PDZRN3: variants seen among roughly 807,000 people sequenced by gnomAD.
PDZRN3 encodes the protein PDZ domain containing ring finger 3, also known as E3 ubiquitin-protein ligase PDZRN3.
A neutral mutation model predicts 85.7 loss-of-function variants in PDZRN3; 38 were observed. The ratio of observed to expected loss-of-function variants is 0.44; its 90% CI spans 0.34 to 0.58. The LOEUF (loss-of-function observed/expected upper bound fraction) is 0.58, where lower values mean the gene tolerates loss of function less well. Among genes scored for constraint, PDZRN3 ranks in the 20% least tolerant of loss-of-function variants. PDZRN3 has a pLI of 0.01. For synonymous variants in PDZRN3, 759 were observed against 638.0 expected, an observed-to-expected ratio of 1.19 and a Z score of -2.86; for missense variants, 1,629 against 1,506.4, an observed-to-expected ratio of 1.08 and a Z score of -1.35.
Position 73,383,605 on chromosome 3 carries a change from C to T in PDZRN3, c.2961G>A (p.Glu987=), listed in dbSNP as rs538477233. ...TCATGAACTCGCGCCGCCGCCGCTG[C>T]TCCTTGGCCTTCACCAGGTGCTGCT... The part of the protein sequence containing the change: ...ERKQHLVKAK[E]QRRRREFMMQ... The change falls in exon 10 of 10, where the codon GAG becomes GAA. Residue 987 remains glutamate, a synonymous_variant. Transcript: ENST00000263666. 313 of 1,614,088 alleles carry T rather than the reference C, an allele frequency of 1.9e-4. 2 individuals carry two copies. The East Asian group carries it at 6.9e-3, about 36-fold the overall frequency.
chr3:73,522,151 T>G (rs1428094811), intron 3 of PDZRN3, among the ~76,000 whole-genome samples: 1 of 152,294 alleles, frequency 6.6e-6, no homozygotes, highest in Admixed American at 6.5e-5. Context: ...ACGTCAGTAG[T>G]GCTGAGTAGT....
At chr3:73,520,481 A>G (rs1414229088) in intron 3 of PDZRN3, among the ~76,000 whole-genome samples, 1 of 152,176 alleles carries the variant, frequency 6.6e-6, no homozygotes, top group African/African-American at 2.4e-5. Flanking sequence ...GTTCCCGCCC[A>G]GCCAACAGAG....
At chr3:73,408,160 G>C in intron 3 of PDZRN3, 1 of 703,454 alleles carries the variant, frequency 1.4e-6, no homozygotes, top group Non-Finnish European at 2.6e-6. Flanking sequence ...ACAGCTCAGA[G>C]GTGGAGTGTG....
intron 3 of PDZRN3, among the ~76,000 whole-genome samples, chr3:73,424,540 T>C (rs183190941): frequency 0.045 from 1,725 of 38,224 alleles, 28 homozygotes; most frequent in Admixed American, 0.085. Context: ...AGACTCCATC[T>C]CAAAAAAAAA....
chr3:73,533,890 C>T (rs1322573033), intron 3 of PDZRN3, among the ~76,000 whole-genome samples: 1 of 152,198 alleles, frequency 6.6e-6, no homozygotes, highest in Non-Finnish European at 1.5e-5. Flanking sequence ...CCAAATAGCA[C>T]ATCTGACTAC....
intron 3 of PDZRN3, chr3:73,433,783 T>C (rs1049071345): frequency 5.2e-6 from 8 of 1,524,556 alleles, no homozygotes; most frequent in African/African-American, 4.1e-5. Flanking sequence ...AGTGCAGGCA[T>C]TGAAGGTATC....
At chr3:73,547,879 C>T (rs1464889109) in intron 3 of PDZRN3, among the ~76,000 whole-genome samples, 1 of 152,214 alleles carries the variant, frequency 6.6e-6, no homozygotes, top group Non-Finnish European at 1.5e-5. Context: ...AAGAATGAAG[C>T]GGGGGAGGGT....
intron 3 of PDZRN3, among the ~76,000 whole-genome samples, chr3:73,461,726 T>C (rs1036379165): frequency 6.6e-6 from 1 of 152,186 alleles, no homozygotes; most frequent in Admixed American, 6.5e-5. Context: ...ATCACAGACA[T>C]GTCATGTGTA....
intron 3 of PDZRN3, among the ~76,000 whole-genome samples, chr3:73,414,291 A>G (rs1259794152): frequency 5.9e-5 from 9 of 152,190 alleles, no homozygotes; most frequent in Non-Finnish European, 1.5e-5. Context: ...TTAAACACAA[A>G]AGTCAGGTAA....
At chr3:73,438,762 T>C (rs886346088) in intron 3 of PDZRN3, among the ~76,000 whole-genome samples, 3 of 152,186 alleles carry the variant, frequency 2.0e-5, no homozygotes, top group Non-Finnish European at 2.9e-5. Context: ...CGGGCTAGAA[T>C]AGTCCTTAAC....
chr3:73,406,355 G>A (rs1701854235), intron 3 of PDZRN3, among the ~76,000 whole-genome samples: 1 of 152,180 alleles, frequency 6.6e-6, no homozygotes, highest in Non-Finnish European at 1.5e-5. Flanking sequence ...GGGAAGGAAT[G>A]GGGTGTAGAT....
intron 3 of PDZRN3, among the ~76,000 whole-genome samples, chr3:73,413,860 C>G (rs1458223196): frequency 6.6e-6 from 1 of 152,164 alleles, no homozygotes; most frequent in Non-Finnish European, 1.5e-5. Flanking sequence ...GCGCTTTACC[C>G]TGAGAACCAA....
rs1263079250 is a variant in PDZRN3, at chr3:73,401,070, C to CA, written c.1167-62dup. 4.8e-6 allele frequency: 6 copies of CA among 1,250,502 alleles called. No individual in the cohort carries two copies. In the African/African-American group the frequency reaches 8.8e-5, roughly 18 times the overall value. 77.5% of individuals were successfully genotyped at this position (1,250,502 alleles called of 1,614,324 possible). A position where few individuals can be genotyped will look rare whatever the true frequency, so the allele number is the denominator to read the frequency against. On this transcript the variant is annotated intron_variant, in intron 4 of 9. Coordinates refer to ENST00000263666, the MANE Select transcript of PDZRN3 (RefSeq NM_015009.3). Reference sequence around the variant, plus strand: ...CCGTTGTCAGTATCTGTTTTTCTTACACCCATTGTCAGGCCAGTGGCACAG... The same window carrying CA: ...CCGTTGTCAGTATCTGTTTTTCTTACAACCCATTGTCAGGCCAGTGGCACAG...
At chr3:73,617,943 T>C (rs186750591) in intron 1 of PDZRN3, among the ~76,000 whole-genome samples, 2 of 152,348 alleles carry the variant, frequency 1.3e-5, no homozygotes, top group African/African-American at 4.8e-5. Context: ...TGACCTCAAG[T>C]GATCTTTCCG....
At chr3:73,509,955 G>T (rs1301810447) in intron 3 of PDZRN3, among the ~76,000 whole-genome samples, 1 of 152,144 alleles carries the variant, frequency 6.6e-6, no homozygotes, top group African/African-American at 2.4e-5. Context: ...TGAAAACAAC[G>T]GATTATCTTT....
chr3:73,472,523 G>C (rs1234626411), intron 3 of PDZRN3, among the ~76,000 whole-genome samples: 1 of 152,178 alleles, frequency 6.6e-6, no homozygotes, highest in Non-Finnish European at 1.5e-5. Flanking sequence ...CTGAGACAAT[G>C]CAAACATCAT....
At chr3:73,495,537 T>G (rs1333398457) in intron 3 of PDZRN3, among the ~76,000 whole-genome samples, 1 of 152,166 alleles carries the variant, frequency 6.6e-6, no homozygotes, top group Non-Finnish European at 1.5e-5. Flanking sequence ...TCCGTGCGCA[T>G]ATATTTGTCT....
chr3:73,400,899 T>C, intron 5 of PDZRN3, 23 bp downstream of exon 5: 1 of 1,527,472 alleles, frequency 6.5e-7, no homozygotes, highest in Non-Finnish European at 9.1e-7. Context: ...ACTCCTAAAA[T>C]GAGACAAGGA....
chr3:73,608,564 G>C (rs1461645274), intron 2 of PDZRN3, 34 bp downstream of exon 2: 1 of 1,449,970 alleles, frequency 6.9e-7, no homozygotes, highest in Non-Finnish European at 9.7e-7. Context: ...GCTACACCAG[G>C]AAAAGGAAAA....
Sources: allele counts gnomAD v4.1 joint callset (sites outside exome capture counted in the v4.1 genomes callset), GRCh38; gene constraint gnomAD v4.1.1; transcripts MANE v1.5; gene names NCBI Gene and HGNC (gene_info 2026-07-23, HGNC 2026-07-21).